The following SKIC8 variants were observed in gnomAD, a reference collection of about 807,000 sequenced individuals.
SKIC8 encodes the protein superkiller complex protein 8.
chr15:78,292,932 A>C, the SKIC8 span: 1 of 1,057,718 alleles, frequency 9.5e-7, no homozygotes, highest in Non-Finnish European at 1.3e-6. Flanking sequence ...ACAGAACACC[A>C]AATGCTGCCA....
the SKIC8 span, among the ~76,000 whole-genome samples, chr15:78,299,264 A>C: frequency 1.3e-5 from 2 of 152,218 alleles, no homozygotes; most frequent in Non-Finnish European, 2.9e-5. Context: ...CCAGCTACGG[A>C]TAAATGATCT....
chr15:78,293,222 T>C, the SKIC8 span: 2 of 1,614,012 alleles, frequency 1.2e-6, no homozygotes, highest in African/African-American at 2.7e-5. Context: ...GTCTCAGAGT[T>C]TTCCTTCTTG....
the SKIC8 span, chr15:78,288,359 A>G: frequency 6.2e-7 from 1 of 1,613,874 alleles, no homozygotes; most frequent in Non-Finnish European, 8.5e-7. Context: ...GAAAAGGTCA[A>G]GGAGCGAATG....
At chr15:78,290,231 T>C in the SKIC8 span, 1 of 924,280 alleles carries the variant, frequency 1.1e-6, no homozygotes, top group African/African-American at 1.7e-5. Flanking sequence ...AATTATGTTG[T>C]AAAGATGCTA....
At chr15:78,285,690 G>C in the SKIC8 span, 1 of 440,888 alleles carries the variant, frequency 2.3e-6, no homozygotes, top group Non-Finnish European at 4.1e-6. Context: ...CTTTCCAACT[G>C]TCTTGGCCAT....
the SKIC8 span, chr15:78,295,415 T>C: frequency 1.8e-6 from 1 of 561,438 alleles, no homozygotes; most frequent in Non-Finnish European, 3.2e-6. Flanking sequence ...TTTTTTTTTT[T>C]TTTGTACAAC....
chr15:78,295,418 T>TTG, the SKIC8 span: 6 of 426,566 alleles, frequency 1.4e-5, no homozygotes, highest in South Asian at 1.3e-4. Flanking sequence ...TTTTTTTTTT[T>TTG]GTACAACATC....
the SKIC8 span, chr15:78,293,378 C>A: frequency 8.7e-7 from 1 of 1,150,164 alleles, no homozygotes; most frequent in Non-Finnish European, 1.3e-6. Context: ...ATTTGCTTTA[C>A]TATTTTACAA....
chr15:78,289,413 A>AAAACAAAC, the SKIC8 span, among the ~76,000 whole-genome samples: 5 of 151,962 alleles, frequency 3.3e-5, no homozygotes, highest in East Asian at 1.9e-4. Flanking sequence ...TCTCTAAAAG[A>AAAACAAAC]AAACAAACAA....
the SKIC8 span, chr15:78,299,394 G>A: frequency 4.6e-5 from 7 of 152,918 alleles, no homozygotes; most frequent in East Asian, 1.9e-4. Context: ...GGAACAGCCA[G>A]GGCAAATGGA....
chr15:78,284,396 GTTAACT>G, the SKIC8 span: 3 of 152,184 alleles, frequency 2.0e-5, no homozygotes, highest in South Asian at 2.1e-4. Flanking sequence ...AACAATGTTA[GTTAACT>G]TTAAGTTCCA....
the SKIC8 span, chr15:78,284,287 G>A: frequency 6.6e-6 from 1 of 152,030 alleles, no homozygotes; most frequent in Non-Finnish European, 1.5e-5. Context: ...AGCTAGCCAG[G>A]ACTTACTCCC....
the SKIC8 span, chr15:78,288,974 T>TA: frequency 2.3e-6 from 1 of 438,966 alleles, no homozygotes; most frequent in South Asian, 1.6e-5. Context: ...GAATCCAAAA[T>TA]AACAGAAATG....
At chr15:78,291,504 T>C in the SKIC8 span, among the ~76,000 whole-genome samples, 1 of 151,934 alleles carries the variant, frequency 6.6e-6, no homozygotes, top group African/African-American at 2.4e-5. Context: ...CAAATACATA[T>C]CCCACCCCAC....
the SKIC8 span, among the ~76,000 whole-genome samples, chr15:78,296,703 A>G: frequency 6.6e-6 from 1 of 152,098 alleles, no homozygotes; most frequent in Admixed American, 6.5e-5. Context: ...GGGTCTCCCT[A>G]TGTTGCCTAG....
chr15:78,290,122 A>C, the SKIC8 span: 2 of 1,597,540 alleles, frequency 1.3e-6, no homozygotes, highest in African/African-American at 2.7e-5. Context: ...AAGAAGGACA[A>C]AAATACAGTG....
the SKIC8 span, chr15:78,294,922 T>A: frequency 6.2e-7 from 1 of 1,614,006 alleles, no homozygotes; most frequent in Non-Finnish European, 8.5e-7. Flanking sequence ...ACAGATGAAT[T>A]GCTTAAACAG....
the SKIC8 span, chr15:78,295,638 G>A: frequency 1.9e-6 from 3 of 1,610,066 alleles, no homozygotes; most frequent in East Asian, 6.7e-5. Flanking sequence ...TTGGCAAAGA[G>A]ACCAATTGAT....
chr15:78,289,005 T>C, the SKIC8 span: 4 of 419,144 alleles, frequency 9.5e-6, no homozygotes, highest in East Asian at 7.0e-5. Flanking sequence ...ATAGCAAATA[T>C]ATATTAACAC....
Sources: gnomAD v4.1 joint callset for allele counts (sites outside exome capture counted in the v4.1 genomes callset) on GRCh38, gnomAD v4.1.1 for gene constraint, MANE v1.5 for transcripts, NCBI Gene and HGNC (gene_info 2026-07-23, HGNC 2026-07-21) for gene names.